Variants in GPRC5B observed in about 807,000 individuals in gnomAD.
The protein encoded by GPRC5B is G protein-coupled receptor family C group 5 member B.
A neutral mutation model predicts 30.1 loss-of-function variants in GPRC5B; 16 were observed. The observed-to-expected ratio is 0.53, with a 90% CI of 0.36 to 0.81. The LOEUF (loss-of-function observed/expected upper bound fraction) is 0.81, where lower values mean the gene tolerates loss of function less well. Ranked by LOEUF, GPRC5B falls within the 30% of genes least tolerant of loss-of-function variation. The pLI, the probability that GPRC5B is intolerant of heterozygous loss-of-function variation, is 0.01. For synonymous variants in GPRC5B, 241 were observed against 239.5 expected (o/e 1.01, Z -0.06); for missense variants, 428 against 544.7 (o/e 0.79, Z 2.13).
chr16:19,861,697 G>T (rs1228332893), intron 3 of GPRC5B, 140 bp downstream of exon 3: 1 of 653,034 alleles, frequency 1.5e-6, no homozygotes, highest in Non-Finnish European at 2.7e-6. Flanking sequence ...AAAAATAAAA[G>T]CATTGCATGC....
chr16:19,872,317 CGAT>C lies in GPRC5B; in HGVS notation c.526_528del (p.Ile176del). The stretch of plus-strand genomic sequence containing the variant: ...ACGGTGAGCACCAGCCACTCCACAG[CGAT>C]GATGACTTGCACCAGCATCAGGCAC... On this transcript the variant is annotated inframe_deletion, in exon 2 of 4. Transcript: ENST00000300571. This position sits in a 1 kb window ranked among gnomAD's most constrained non-coding sequence, Gnocchi z 5.0. The C allele has an allele frequency of 6.2e-7, 1 of 1,614,090 alleles. No individual in the cohort carries two copies. The highest frequency in any genetic ancestry group is 8.5e-7 in the Non-Finnish European group (1 of 1,180,032).
chr16:19,885,237 G>T (rs879863321), upstream of GPRC5B: 1 of 1,288,454 alleles, frequency 7.8e-7, no homozygotes, highest in Admixed American at 2.3e-5. The surrounding 1 kb of genome is among the most constrained non-coding windows in gnomAD (Gnocchi z 5.3). Flanking sequence ...GTCCCAGCGC[G>T]GAAGCCTTCC....
Position 19,871,075 on chromosome 16 carries a change from G to A in GPRC5B, c.1030+741C>T, listed in dbSNP as rs9930871. On this transcript the variant is annotated intron_variant, in intron 2 of 3. Coordinates refer to ENST00000300571, the MANE Select transcript of GPRC5B (RefSeq NM_016235.3). ...GAGGCGGGAGGATCATTTGAGCCCCGGAGTTTGAGACCTGCCTGGGCCACA... is the reference window on the plus strand; with the variant it reads ...GAGGCGGGAGGATCATTTGAGCCCCAGAGTTTGAGACCTGCCTGGGCCACA... Among the ~76,000 whole-genome samples, 1,453 of 151,770 alleles carry A rather than the reference G, an allele frequency of 9.6e-3. 21 individuals are homozygous for A. Among genetic ancestry groups the A allele is most frequent in the African/African-American group, 0.033 (1,348 of 41,398 alleles).
intron 1 of GPRC5B, among the ~76,000 whole-genome samples, chr16:19,877,748 G>A (rs1166396388): frequency 6.6e-6 from 1 of 152,188 alleles, no homozygotes; most frequent in Non-Finnish European, 1.5e-5. Context: ...CTGGCACAGG[G>A]AAGACAGCAG....
chr16:19,877,313 C>G (rs749898216), intron 1 of GPRC5B, among the ~76,000 whole-genome samples: 7 of 152,196 alleles, frequency 4.6e-5, no homozygotes, highest in Non-Finnish European at 8.8e-5. Flanking sequence ...CAAAGAAGTT[C>G]TAATGTTCCT....
rs762148620 is a variant in GPRC5B, at chr16:19,872,810, G to C, written c.36C>G (p.His12Gln). The C allele has an allele frequency of 2.3e-5, 37 of 1,613,572 alleles. No homozygotes were observed. The South Asian group carries it at 3.4e-4, about 15-fold the overall frequency. Reference protein sequence around the residue: ...FVASERKMRAHQVLTFLLLFV... With the variant: ...FVASERKMRAQQVLTFLLLFV... The stretch of plus-strand genomic sequence containing the variant: ...AGAGCAGGAGGAAGGTGAGCACCTG[G>C]TGAGCTCTCATCTTTCTCTCTGATG... The change falls in exon 2 of 4, where the codon CAC becomes CAG. Residue 12 changes from histidine to glutamine, a missense_variant. Transcript: ENST00000300571. This position sits in a 1 kb window ranked among gnomAD's most constrained non-coding sequence, Gnocchi z 5.0.
intron 1 of GPRC5B, among the ~76,000 whole-genome samples, chr16:19,880,141 A>G (rs2056792974): frequency 6.6e-6 from 1 of 151,410 alleles, no homozygotes; most frequent in African/African-American, 2.4e-5. Flanking sequence ...TCAAAATATA[A>G]TAATAATAAA....
At chr16:19,869,846 G>A (rs1409173104) in intron 2 of GPRC5B, among the ~76,000 whole-genome samples, 1 of 152,058 alleles carries the variant, frequency 6.6e-6, no homozygotes, top group Non-Finnish European at 1.5e-5. Flanking sequence ...CTGAGGTGGG[G>A]GGATCACTTG....
rs1446773312 is a variant in GPRC5B at position 19,884,748 on chromosome 16, G to A, written c.-23C>T. On this transcript the variant is annotated 5_prime_UTR_variant, in exon 1 of 4. Transcript: ENST00000300571. The stretch of plus-strand genomic sequence containing the variant: ...TTACCGACCCCCGCGGCCCCGCAGC[G>A]CCGACGCTCCAGCTGGCCTTCGGCC... The A allele has an allele frequency of 5.1e-6, 5 of 984,452 alleles. No homozygotes were observed. Among genetic ancestry groups the A allele is most frequent in the Non-Finnish European group, 6.0e-6 (5 of 829,586 alleles). The allele number at this position is 984,452 out of a possible 1,614,324, so 61.0% of individuals were successfully genotyped here. A position where few individuals can be genotyped will look rare whatever the true frequency, so the allele number is the denominator to read the frequency against.
At position 19,872,014 on chromosome 16, in the gene GPRC5B, C is replaced by T; in HGVS notation, c.832G>A (p.Ala278Thr). Residue 278 changes from alanine to threonine, a missense_variant, in exon 2 of 4, where the codon GCC (alanine) becomes ACC (threonine). Coordinates refer to ENST00000300571, the MANE Select transcript of GPRC5B (RefSeq NM_016235.3). This position sits in a 1 kb window ranked among gnomAD's most constrained non-coding sequence, Gnocchi z 5.0. ...AAGATGACGAAGACCCAGCCGCTGG[C>T]CGCCAGCGTGATGGCCAAGGTGGGG... ...NDPTLAITLA[A>T]SGWVFVIFHA... 1 of 1,614,104 alleles carries T rather than the reference C, an allele frequency of 6.2e-7. No individual in the cohort carries two copies. Among genetic ancestry groups the T allele is most frequent in the Non-Finnish European group, 8.5e-7 (1 of 1,180,022 alleles).
chr16:19,858,776 G>GCT lies in GPRC5B; in HGVS notation c.*1722_*1723dup. On this transcript the variant is annotated 3_prime_UTR_variant, in exon 4 of 4. Coordinates refer to ENST00000300571, the MANE Select transcript of GPRC5B (RefSeq NM_016235.3). ...CACATGCTCTGGGCAGAGGCGGGGTGCTTCCGGGGAGGTCAGGTGGGGGTG... is the reference window on the plus strand; with the variant it reads ...CACATGCTCTGGGCAGAGGCGGGGTGCTCTTCCGGGGAGGTCAGGTGGGGGTG... The GCT allele has an allele frequency of 2.5e-6, 1 of 393,668 alleles. No homozygotes were observed. Among genetic ancestry groups the GCT allele is most frequent in the Middle Eastern group, 6.5e-4 (1 of 1,528 alleles). The allele number at this position is 393,668 out of a possible 1,614,324, so 24.4% of individuals were successfully genotyped here.
chr16:19,861,105 G>C (rs185446740), intron 3 of GPRC5B, among the ~76,000 whole-genome samples: 1 of 62,822 alleles, frequency 1.6e-5, no homozygotes, highest in African/African-American at 8.0e-5. Flanking sequence ...AAAAAAAAAA[G>C]AAGAATGCTC....
chr16:19,865,830 C>T (rs1032873115), intron 2 of GPRC5B, among the ~76,000 whole-genome samples: 1 of 152,186 alleles, frequency 6.6e-6, no homozygotes, highest in Non-Finnish European at 1.5e-5. Flanking sequence ...CTTAGACCAG[C>T]GGTTTCAACC....
intron 2 of GPRC5B, chr16:19,862,238 C>T: frequency 2.4e-6 from 1 of 424,460 alleles, no homozygotes; most frequent in Non-Finnish European, 4.3e-6. Flanking sequence ...CCTCTGGTTC[C>T]CCCTCCAAGC....
At position 19,857,458 on chromosome 16, in the gene GPRC5B, G is replaced by A. The variant is rs1384659154; in HGVS notation, c.*3042C>T. On this transcript the variant is annotated 3_prime_UTR_variant, in exon 4 of 4. Transcript: ENST00000300571. ...TCTTTAACTTCTTTTTTATAAGTAT[G>A]CAACAGTCAGCCGGGGGAAGATAAA... 6 of 440,408 alleles carry A rather than the reference G, an allele frequency of 1.4e-5. No individual in the cohort carries two copies. The highest frequency in any genetic ancestry group is 2.2e-5 in the Non-Finnish European group (5 of 223,068). 27.3% of individuals were successfully genotyped at this position (440,408 alleles called of 1,614,324 possible).
chr16:19,864,364 T>C (rs2056650482), intron 2 of GPRC5B, among the ~76,000 whole-genome samples: 1 of 152,282 alleles, frequency 6.6e-6, no homozygotes. Context: ...AGCCAACATT[T>C]CATGTGCCTT....
chr16:19,860,447 C>A lies in GPRC5B; in HGVS notation c.*53G>T. On this transcript the variant is annotated 3_prime_UTR_variant, in exon 4 of 4. Transcript: ENST00000300571. ...GATTTCTCCCTCAAGAAAGACACAG[C>A]CAGGGAGGCAAATCGGTAAGAGAAA... is the stretch of plus-strand genomic sequence containing the variant. 8.8e-7 allele frequency: 1 copy of A among 1,136,102 alleles called. No individual in the cohort carries two copies. The highest frequency in any genetic ancestry group is 1.7e-5 in the Admixed American group (1 of 58,142). 70.4% of individuals were successfully genotyped at this position (1,136,102 alleles called of 1,614,324 possible).
intron 3 of GPRC5B, 100 bp from the exon 4 acceptor site, chr16:19,860,644 T>G: frequency 1.4e-6 from 1 of 738,132 alleles, no homozygotes; most frequent in Non-Finnish European, 2.4e-6. Flanking sequence ...TAAGTTACCT[T>G]GCTTTTACCT....
chr16:19,875,610 T>C (rs1370335277), intron 1 of GPRC5B, among the ~76,000 whole-genome samples: 2 of 151,988 alleles, frequency 1.3e-5, no homozygotes, highest in Admixed American at 6.6e-5. Flanking sequence ...AAACCCTGTC[T>C]CTACTAAAAA....
Sources: allele counts gnomAD v4.1 joint callset (sites outside exome capture counted in the v4.1 genomes callset), GRCh38; gene constraint gnomAD v4.1.1; non-coding constraint Gnocchi (gnomAD v3.1); transcripts MANE v1.5; gene names NCBI Gene and HGNC (gene_info 2026-07-23, HGNC 2026-07-21).